Variants in LDLRAD3 observed in about 807,000 individuals in gnomAD.
LDLRAD3 encodes low-density lipoprotein receptor class A domain-containing protein 3.
Under a neutral mutation model 29.4 loss-of-function variants are expected in LDLRAD3, and 20 were observed. The ratio of observed to expected loss-of-function variants is 0.68; its 90% CI spans 0.48 to 0.99. The LOEUF (loss-of-function observed/expected upper bound fraction) is 0.99. Ranked by LOEUF, LDLRAD3 falls within the 50% of genes least tolerant of loss-of-function variation. LDLRAD3 has a pLI of 0.00. For synonymous variants in LDLRAD3, 157 were observed against 192.7 expected (o/e 0.81, Z 1.53); for missense variants, 420 against 454.3 (o/e 0.92, Z 0.69).
intron 4 of LDLRAD3, among the ~76,000 whole-genome samples, chr11:36,100,585 G>A (rs1037602985): frequency 4.6e-5 from 7 of 152,012 alleles, no homozygotes; most frequent in African/African-American, 9.7e-5. Context: ...GACTACAGGC[G>A]TGTGCCACCA....
rs559058854 is a variant in LDLRAD3, at chr11:36,174,002, G to C, written c.455-53083G>C. The stretch of plus-strand genomic sequence containing the variant: ...CAGTAACCAAAACAGCATGATACTG[G>C]TACCAAAACAGAGATACAGACCAAT... On this transcript the variant is annotated intron_variant, in intron 4 of 5. Coordinates refer to ENST00000315571, the MANE Select transcript of LDLRAD3 (RefSeq NM_174902.4). 6.6e-5 allele frequency among the ~76,000 whole-genome samples: 10 copies of C among 152,282 alleles called. No individual in the cohort carries two copies. In the East Asian group the frequency reaches 1.9e-3, roughly 29 times the overall value.
chr11:36,064,259 G>A (rs1402906861), intron 2 of LDLRAD3, among the ~76,000 whole-genome samples: 2 of 152,040 alleles, frequency 1.3e-5, no homozygotes, highest in Non-Finnish European at 2.9e-5. Context: ...TATCCACCTT[G>A]TCTCCTGCAA....
At chr11:36,033,435 C>T (rs374544) in intron 1 of LDLRAD3, among the ~76,000 whole-genome samples, 75,816 of 152,086 alleles carry the variant, frequency 0.5, 19,864 homozygotes, top group Admixed American at 0.6. Flanking sequence ...GCCTTATTGA[C>T]TCTCAGAGCA....
At chr11:36,049,030 G>C (rs531981990) in intron 2 of LDLRAD3, among the ~76,000 whole-genome samples, 6 of 152,246 alleles carry the variant, frequency 3.9e-5, no homozygotes, top group Non-Finnish European at 8.8e-5. Context: ...AAATAACTCT[G>C]AGCTGGGGGG....
At chr11:36,025,538 G>A (rs993034160) in intron 1 of LDLRAD3, among the ~76,000 whole-genome samples, 18 of 151,708 alleles carry the variant, frequency 1.2e-4, no homozygotes, top group Non-Finnish European at 1.9e-4. Flanking sequence ...ATAGGCGCCC[G>A]CCACCACTCC....
intron 1 of LDLRAD3, among the ~76,000 whole-genome samples, chr11:35,950,347 A>G (rs531157456): frequency 1.3e-5 from 2 of 152,338 alleles, no homozygotes; most frequent in African/African-American, 4.8e-5. Context: ...GTGATGACAC[A>G]TGTCCTAGTT....
chr11:36,193,817 T>A, intron 4 of LDLRAD3, among the ~76,000 whole-genome samples: 1 of 152,026 alleles, frequency 6.6e-6, no homozygotes, highest in Non-Finnish European at 1.5e-5. Flanking sequence ...AGCCACCGAG[T>A]GTAGTGGAAA....
chr11:36,051,216 G>A (rs555338261), intron 2 of LDLRAD3, among the ~76,000 whole-genome samples: 1 of 152,340 alleles, frequency 6.6e-6, no homozygotes, highest in South Asian at 2.1e-4. Context: ...GATTCCTATG[G>A]CTGGTGGGAA....
chr11:36,225,098 G>C (rs755979523), intron 4 of LDLRAD3, among the ~76,000 whole-genome samples: 1 of 152,152 alleles, frequency 6.6e-6, no homozygotes, highest in Non-Finnish European at 1.5e-5. Context: ...CTAGTGATGA[G>C]GGATGGAGTA....
At chr11:35,987,719 A>G (rs1450620730) in intron 1 of LDLRAD3, among the ~76,000 whole-genome samples, 2 of 152,188 alleles carry the variant, frequency 1.3e-5, no homozygotes, top group Admixed American at 6.5e-5. Flanking sequence ...TGCTACGTTG[A>G]ACATACGAGT....
In LDLRAD3 at chr11:36,181,847, G is replaced by A. The variant is rs114247870; in HGVS notation, c.455-45238G>A. On this transcript the variant is annotated intron_variant, in intron 4 of 5. Transcript: ENST00000315571. ...GTTAGAAGGCCCTGAGTGGGGATGAGAGGATGGAAGTCAGTTGTCAACCGT... is the reference window on the plus strand; with the variant it reads ...GTTAGAAGGCCCTGAGTGGGGATGAAAGGATGGAAGTCAGTTGTCAACCGT... Among the ~76,000 whole-genome samples, 1,196 of 152,296 alleles carry A rather than the reference G, an allele frequency of 7.9e-3. 19 individuals are homozygous for A. The highest frequency in any genetic ancestry group is 0.025 in the African/African-American group (1,046 of 41,550).
chr11:36,053,320 C>T (rs965623695), intron 2 of LDLRAD3, among the ~76,000 whole-genome samples: 1 of 152,034 alleles, frequency 6.6e-6, no homozygotes, highest in Non-Finnish European at 1.5e-5. Flanking sequence ...CAGAACAGAG[C>T]TCACTTCCAA....
intron 4 of LDLRAD3, among the ~76,000 whole-genome samples, chr11:36,134,847 G>A (rs544195815): frequency 6.6e-6 from 1 of 152,328 alleles, no homozygotes; most frequent in African/African-American, 2.4e-5. Context: ...TTGGTGGTGG[G>A]TGCTGCCGGC....
At chr11:36,138,514 T>C (rs779292536) in intron 4 of LDLRAD3, among the ~76,000 whole-genome samples, 4 of 152,232 alleles carry the variant, frequency 2.6e-5, no homozygotes, top group Non-Finnish European at 4.4e-5. Context: ...TCTTTGCCTT[T>C]GACTGGACTC....
chr11:36,126,710 G>C (rs1042683407), intron 4 of LDLRAD3, among the ~76,000 whole-genome samples: 1 of 152,136 alleles, frequency 6.6e-6, no homozygotes, highest in Admixed American at 6.5e-5. Context: ...TTTAGTCTCC[G>C]GGAACTCCAG....
intron 4 of LDLRAD3, among the ~76,000 whole-genome samples, chr11:36,137,657 GT>G (rs1194192257): frequency 2.0e-5 from 3 of 152,228 alleles, no homozygotes; most frequent in Admixed American, 1.3e-4. Flanking sequence ...GGACAACATT[GT>G]AGATCAATAC....
At chr11:35,945,206 G>A (rs1851041521) in intron 1 of LDLRAD3, among the ~76,000 whole-genome samples, 1 of 152,236 alleles carries the variant, frequency 6.6e-6, no homozygotes, top group Non-Finnish European at 1.5e-5. Context: ...AGTGCTTCTA[G>A]CAGCTTGGCT....
intron 4 of LDLRAD3, among the ~76,000 whole-genome samples, chr11:36,124,456 TG>T (rs1287672098): frequency 6.6e-6 from 1 of 152,162 alleles, no homozygotes; most frequent in African/African-American, 2.4e-5. Context: ...CCCAGAGAGA[TG>T]AACTCATTTG....
At chr11:36,022,706 A>G (rs1228468873) in intron 1 of LDLRAD3, among the ~76,000 whole-genome samples, 1 of 152,172 alleles carries the variant, frequency 6.6e-6, no homozygotes, top group Non-Finnish European at 1.5e-5. Flanking sequence ...GGGCTCTATA[A>G]TCCATCTTTA....
Sources: gnomAD v4.1 joint callset for allele counts (sites outside exome capture counted in the v4.1 genomes callset) on GRCh38, gnomAD v4.1.1 for gene constraint, MANE v1.5 for transcripts, NCBI Gene and HGNC (gene_info 2026-07-23, HGNC 2026-07-21) for gene names.